The following YAE1 variants were observed in gnomAD, a reference collection of about 807,000 sequenced individuals.
YAE1 encodes YAE1 maturation factor of ABCE1, also known as protein YAE1 homolog.
Under a neutral mutation model 23.0 loss-of-function variants are expected in YAE1, and 22 were observed. That is an observed-to-expected ratio of 0.96 (90% CI 0.68 to 1.37). The LOEUF (loss-of-function observed/expected upper bound fraction) is 1.37. YAE1 is among the 40% of genes most tolerant of loss of function. The pLI is 0.00. For missense variants in YAE1, 260 were observed against 262.1 expected (o/e 0.99, Z 0.06); for synonymous variants, 101 against 97.0 (o/e 1.04, Z -0.24).
chr7:39,577,509 G>A (rs901861222), downstream of YAE1, among the ~76,000 whole-genome samples: 5 of 152,222 alleles, frequency 3.3e-5, no homozygotes, highest in Non-Finnish European at 7.3e-5. Context: ...CACTTGGAGT[G>A]GCCGGCCAGC....
chr7:39,601,758 C>CA lies in YAE1; in HGVS notation c.252-7841dup, dbSNP rs5883699. On this transcript the variant is annotated intron_variant, in intron 2 of 2. Transcript: ENST00000432096. ...TGGATGACAGAGCCAGACTCTGTCT[C>CA]AAAAAAAAAAAAAAAAAACTATAAA... 2.7e-3 allele frequency among the ~76,000 whole-genome samples: 359 copies of CA among 130,714 alleles called. 6 individuals are homozygous for CA. The highest frequency in any genetic ancestry group is 3.8e-3 in the Middle Eastern group (1 of 262). The allele number at this position is 130,714 out of a possible 152,430, so 85.8% of individuals were successfully genotyped here.
chr7:39,581,948 G>A (rs1275717174), intron 2 of YAE1, among the ~76,000 whole-genome samples: 1 of 151,508 alleles, frequency 6.6e-6, no homozygotes, highest in Admixed American at 6.6e-5. Flanking sequence ...TTTTTTAAGA[G>A]ATGGAGTCTC....
downstream of YAE1, among the ~76,000 whole-genome samples, chr7:39,574,450 C>G (rs1434447515): frequency 6.6e-6 from 1 of 151,756 alleles, no homozygotes; most frequent in African/African-American, 2.4e-5. Flanking sequence ...TGAAAAAAAT[C>G]CGCTGGGTGC....
At chr7:39,578,168 CTG>C (rs149006472) in intron 2 of YAE1, among the ~76,000 whole-genome samples, 22,015 of 151,882 alleles carry the variant, frequency 0.14, 1,682 homozygotes, top group African/African-American at 0.21. Context: ...AATCAGCACT[CTG>C]TGTCTAGTTC....
chr7:39,570,408 C>T, intron 1 of YAE1, 98 bp from the exon 2 acceptor site: 1 of 1,437,486 alleles, frequency 7.0e-7, no homozygotes, highest in Non-Finnish European at 9.5e-7. Context: ...CAGTAAAGGC[C>T]TAATTCATCT....
intron 2 of YAE1, among the ~76,000 whole-genome samples, chr7:39,596,770 G>A (rs561904286): frequency 6.6e-6 from 1 of 152,032 alleles, no homozygotes; most frequent in South Asian, 2.1e-4. Flanking sequence ...TCTCTCACTT[G>A]ACTTTGTATC....
intron 2 of YAE1, among the ~76,000 whole-genome samples, chr7:39,578,561 C>A (rs1319172034): frequency 6.6e-6 from 1 of 152,158 alleles, no homozygotes; most frequent in African/African-American, 2.4e-5. Flanking sequence ...GACCACGAAC[C>A]CATTGGAAGA....
intron 2 of YAE1, among the ~76,000 whole-genome samples, chr7:39,594,530 T>G (rs1269529171): frequency 6.6e-6 from 1 of 152,168 alleles, no homozygotes; most frequent in Non-Finnish European, 1.5e-5. Context: ...TATTGCTTTG[T>G]TCAGAGTTTA....
At chr7:39,569,506 G>A in intron 1 of YAE1, 2 of 497,504 alleles carry the variant, frequency 4.0e-6, no homozygotes. Flanking sequence ...TCTTCCTCCA[G>A]TTTTTTCAAA....
chr7:39,610,671 A>G (rs1791199610), downstream of YAE1, among the ~76,000 whole-genome samples: 1 of 152,170 alleles, frequency 6.6e-6, no homozygotes, highest in Non-Finnish European at 1.5e-5. Flanking sequence ...GTATTGTGCA[A>G]ATTTTTTTGA....
chr7:39,607,833 T>C (rs1211696222), intron 2 of YAE1, among the ~76,000 whole-genome samples: 3 of 152,216 alleles, frequency 2.0e-5, no homozygotes, highest in Admixed American at 6.5e-5. Context: ...CATGCCTGGC[T>C]AATTTTTGTA....
chr7:39,581,176 C>A (rs1161792341), intron 2 of YAE1, among the ~76,000 whole-genome samples: 1 of 152,206 alleles, frequency 6.6e-6, no homozygotes, highest in Non-Finnish European at 1.5e-5. Context: ...GTCAACAAAT[C>A]GACAACCAAC....
At chr7:39,587,071 T>C (rs919711205) in intron 2 of YAE1, among the ~76,000 whole-genome samples, 7 of 151,980 alleles carry the variant, frequency 4.6e-5, no homozygotes, top group Non-Finnish European at 8.8e-5. Context: ...CTTTCTTTCT[T>C]TTTCAGATGG....
intron 2 of YAE1, among the ~76,000 whole-genome samples, chr7:39,580,555 CTCTT>C (rs1468707500): frequency 6.6e-6 from 1 of 152,152 alleles, no homozygotes; most frequent in African/African-American, 2.4e-5. Context: ...CCTTTGGATC[CTCTT>C]TCTTTCGAAG....
At chr7:39,602,172 G>T (rs1199868954) in intron 2 of YAE1, among the ~76,000 whole-genome samples, 1 of 152,162 alleles carries the variant, frequency 6.6e-6, no homozygotes, top group Non-Finnish European at 1.5e-5. Context: ...CAGTCAGAAA[G>T]AACATAAGAA....
Position 39,609,623 on chromosome 7 carries a change from A to G in YAE1, c.258A>G (p.Ser86=). The change falls in exon 3 of 3, where the codon TCA becomes TCG. Residue 86 remains serine, a synonymous_variant. Transcript: ENST00000432096. ...CAATTGTCTATCAAAACAGGAACTCAACGGATTGGAGCCTACTGGGCTTGA... is the reference window on the plus strand; with the variant it reads ...CAATTGTCTATCAAAACAGGAACTCGACGGATTGGAGCCTACTGGGCTTGA... 3 of 1,534,426 alleles carry G rather than the reference A, an allele frequency of 2.0e-6. No homozygotes were observed. The South Asian group carries it at 3.6e-5, about 18-fold the overall frequency.
intron 2 of YAE1, among the ~76,000 whole-genome samples, chr7:39,604,433 G>A (rs1274137877): frequency 6.6e-6 from 1 of 152,186 alleles, no homozygotes; most frequent in Non-Finnish European, 1.5e-5. Context: ...TCACAAGGGG[G>A]ATAAGTCGAT....
chr7:39,611,851 G>T (rs1791224060), downstream of YAE1, among the ~76,000 whole-genome samples: 1 of 151,996 alleles, frequency 6.6e-6, no homozygotes, highest in Non-Finnish European at 1.5e-5. Flanking sequence ...GGCTTATTTT[G>T]AAAAATTCTG....
intron 1 of YAE1, among the ~76,000 whole-genome samples, chr7:39,568,387 T>A (rs1430678314): frequency 6.6e-6 from 1 of 152,060 alleles, no homozygotes; most frequent in African/African-American, 2.4e-5. Context: ...TTTTCCTGAG[T>A]AGAATGCAAA....
Sources: gnomAD v4.1 joint callset for allele counts (sites outside exome capture counted in the v4.1 genomes callset) on GRCh38, gnomAD v4.1.1 for gene constraint, MANE v1.5 for transcripts, NCBI Gene and HGNC (gene_info 2026-07-23, HGNC 2026-07-21) for gene names.